Variants in ATP10A observed in about 807,000 individuals in gnomAD.
The protein encoded by ATP10A is ATPase phospholipid transporting 10A (putative).
In ATP10A, 111 loss-of-function variants were observed where a neutral mutation model predicts 147.8. The observed-to-expected ratio is 0.75, with a 90% CI of 0.64 to 0.88. The LOEUF (loss-of-function observed/expected upper bound fraction) is 0.88, where lower values mean the gene tolerates loss of function less well. Among genes scored for constraint, ATP10A ranks in the 40% least tolerant of loss-of-function variants. The pLI is 0.00. For synonymous variants in ATP10A, 875 were observed against 841.6 expected, an observed-to-expected ratio of 1.04 and a Z score of -0.69; for missense variants, 1,927 against 1,959.0, an observed-to-expected ratio of 0.98 and a Z score of 0.31.
intron 2 of ATP10A, among the ~76,000 whole-genome samples, chr15:25,759,085 C>T (rs1389794326): frequency 6.6e-6 from 1 of 152,208 alleles, no homozygotes; most frequent in African/African-American, 2.4e-5. Context: ...GGATAAGAAC[C>T]CCTTCCCCTC....
chr15:25,824,819 T>C (rs538267881), intron 1 of ATP10A, among the ~76,000 whole-genome samples: 1 of 152,186 alleles, frequency 6.6e-6, no homozygotes, highest in Non-Finnish European at 1.5e-5. Flanking sequence ...GCGTTTTACG[T>C]TTCCGTATTT....
intron 13 of ATP10A, among the ~76,000 whole-genome samples, chr15:25,700,889 T>C (rs1900620465): frequency 6.6e-6 from 1 of 151,826 alleles, no homozygotes; most frequent in Non-Finnish European, 1.5e-5. Flanking sequence ...GGTCAACCTT[T>C]AGTATAAATT....
intron 1 of ATP10A, among the ~76,000 whole-genome samples, chr15:25,811,422 A>C (rs1290388319): frequency 1.3e-5 from 2 of 152,174 alleles, no homozygotes; most frequent in Admixed American, 6.5e-5. Flanking sequence ...AAAAGGAACA[A>C]GAAGTAAGGA....
chr15:25,680,096 G>C, intron 20 of ATP10A, 25 bp downstream of exon 20: 1 of 1,608,488 alleles, frequency 6.2e-7, no homozygotes, highest in Non-Finnish European at 8.5e-7. Flanking sequence ...GGGGCTCAGA[G>C]GCACTATCCC....
intron 2 of ATP10A, among the ~76,000 whole-genome samples, chr15:25,768,765 G>A (rs1889170979): frequency 7.6e-6 from 1 of 131,358 alleles, no homozygotes; most frequent in South Asian, 2.4e-4. Flanking sequence ...CTGGGTTTAT[G>A]TGGCCCTCCC....
chr15:25,680,221 A>G lies in ATP10A; in HGVS notation c.3766T>C (p.Tyr1256His). 6.2e-7 allele frequency: 1 copy of G among 1,614,180 alleles called. No homozygotes were observed. Among genetic ancestry groups the G allele is most frequent in the Non-Finnish European group, 8.5e-7 (1 of 1,179,984 alleles). The change falls in exon 20 of 21, where the codon TAT becomes CAT. Residue 1256 changes from tyrosine (Y) to histidine (H), a missense_variant. By Grantham distance (83) the Tyr-to-His change is moderately conservative. Coordinates refer to ENST00000555815, the MANE Select transcript of ATP10A (RefSeq NM_024490.4). ...LIYNASCATC[Y>H]PPSNPYWTMQ... ...GTCCAGTAAGGGTTGGACGGAGGAT[A>G]GCACGTGGCACAAGACGCATTGTAA...
At chr15:25,848,330 C>T (rs1479148652) in intron 1 of ATP10A, among the ~76,000 whole-genome samples, 2 of 151,934 alleles carry the variant, frequency 1.3e-5, no homozygotes, top group East Asian at 3.9e-4. Context: ...GGGGTCTTGC[C>T]CAGGCTGGAG....
chr15:25,857,180 A>G (rs187131075), intron 1 of ATP10A, among the ~76,000 whole-genome samples: 37 of 152,350 alleles, frequency 2.4e-4, no homozygotes, highest in Admixed American at 2.3e-3. Flanking sequence ...ACACTGGCTC[A>G]GGCTTGTCAT....
At chr15:25,840,980 A>G (rs1892786248) in intron 1 of ATP10A, among the ~76,000 whole-genome samples, 1 of 152,146 alleles carries the variant, frequency 6.6e-6, no homozygotes, top group South Asian at 2.1e-4. Context: ...CCATTTTTAA[A>G]CAGGATTCAT....
chr15:25,693,223 A>C (rs566812248), intron 14 of ATP10A, among the ~76,000 whole-genome samples: 2 of 151,658 alleles, frequency 1.3e-5, no homozygotes, highest in Admixed American at 6.6e-5. Context: ...GGGACTCACT[A>C]TGTTGCCCAG....
At chr15:25,718,134 T>C in intron 8 of ATP10A, 48 bp downstream of exon 8, 2 of 1,574,360 alleles carry the variant, frequency 1.3e-6, no homozygotes, top group South Asian at 2.2e-5. Context: ...ATGGTGAAAA[T>C]GGGGAAGAGA....
At chr15:25,775,506 A>G (rs1889561581) in intron 2 of ATP10A, among the ~76,000 whole-genome samples, 1 of 152,204 alleles carries the variant, frequency 6.6e-6, no homozygotes, top group Non-Finnish European at 1.5e-5. Context: ...GTACGTGTTT[A>G]AGAGCAGTGT....
In ATP10A at chr15:25,730,108, T is replaced by C. The variant is rs1009615638; in HGVS notation, c.741-2842A>G. Among the ~76,000 whole-genome samples the C allele has an allele frequency of 2.1e-5, 3 of 143,024 alleles. No individual in the cohort carries two copies. The Admixed American group carries it at 2.2e-4, about 10-fold the overall frequency. The allele number at this position is 143,024 out of a possible 152,430, so 93.8% of individuals were successfully genotyped here. A position where few individuals can be genotyped will look rare whatever the true frequency, so the allele number is the denominator to read the frequency against. On this transcript the variant is annotated intron_variant, in intron 3 of 20. Coordinates refer to ENST00000555815, the MANE Select transcript of ATP10A (RefSeq NM_024490.4). ...AAGTTAGAGACCAGCCTGGCTAACATGGCGAAACCCCGTCTCTACTAAAAA... is the reference window on the plus strand; with the variant it reads ...AAGTTAGAGACCAGCCTGGCTAACACGGCGAAACCCCGTCTCTACTAAAAA...
chr15:25,695,944 A>G (rs78576970), intron 13 of ATP10A, among the ~76,000 whole-genome samples: 1 of 152,066 alleles, frequency 6.6e-6, no homozygotes, highest in South Asian at 2.1e-4. Flanking sequence ...AAAAAAAAAA[A>G]GCACAATTAC....
At chr15:25,807,253 C>T (rs936473682) in intron 1 of ATP10A, among the ~76,000 whole-genome samples, 2 of 152,206 alleles carry the variant, frequency 1.3e-5, no homozygotes, top group East Asian at 1.9e-4. Context: ...CTGAGCACCC[C>T]ACCCCAGGCA....
At chr15:25,803,813 A>G (rs1048751898) in intron 1 of ATP10A, among the ~76,000 whole-genome samples, 20 of 152,212 alleles carry the variant, frequency 1.3e-4, no homozygotes, top group Admixed American at 6.5e-5. Context: ...GGCTTCTCTG[A>G]GTGTAACCGG....
At chr15:25,842,263 T>C (rs565346493) in intron 1 of ATP10A, among the ~76,000 whole-genome samples, 2 of 152,302 alleles carry the variant, frequency 1.3e-5, no homozygotes, top group African/African-American at 4.8e-5. Context: ...GTTTTCTCTA[T>C]ACCTGTTGGC....
intron 14 of ATP10A, among the ~76,000 whole-genome samples, chr15:25,693,090 C>T (rs564358135): frequency 5.9e-5 from 9 of 151,516 alleles, no homozygotes; most frequent in African/African-American, 1.7e-4. Context: ...GGTGTGATCA[C>T]GGTTCACTGC....
At chr15:25,746,488 T>C (rs1039882339) in intron 2 of ATP10A, among the ~76,000 whole-genome samples, 30 of 152,156 alleles carry the variant, frequency 2.0e-4, no homozygotes, top group African/African-American at 6.5e-4. Flanking sequence ...ATTAATAAAC[T>C]AACCTAATGG....
Sources: allele counts gnomAD v4.1 joint callset (sites outside exome capture counted in the v4.1 genomes callset), GRCh38; gene constraint gnomAD v4.1.1; transcripts MANE v1.5; gene names NCBI Gene and HGNC (gene_info 2026-07-23, HGNC 2026-07-21).